PRH1: variants seen among roughly 807,000 people sequenced by gnomAD.
PRH1 encodes proline rich protein HaeIII subfamily 1.
PRH1 carries 7 observed loss-of-function variants against 7.9 expected under a neutral mutation model. That is an observed-to-expected ratio of 0.89 (90% CI 0.50 to 1.67). PRH1 has a LOEUF of 1.67. Among genes scored for constraint, PRH1 ranks in the 40% most tolerant of loss-of-function variants. The pLI, the probability that PRH1 is intolerant of heterozygous loss-of-function variation, is 0.00. For missense variants in PRH1, 109 were observed against 223.6 expected, an observed-to-expected ratio of 0.49 and a Z score of 3.27; for synonymous variants, 45 against 80.8, an observed-to-expected ratio of 0.56 and a Z score of 2.38.
At chr12:10,986,887 T>C (rs781027948) in intron 1 of PRH1, 2 of 1,442,894 alleles carry the variant, frequency 1.4e-6, no homozygotes, top group African/African-American at 1.4e-5. Context: ...AGAAAGAAAA[T>C]GCAAGCCTAA....
chr12:11,152,555 T>C (rs1232620128), intron 1 of PRH1, among the ~76,000 whole-genome samples: 1 of 152,190 alleles, frequency 6.6e-6, no homozygotes, highest in Non-Finnish European at 1.5e-5. Context: ...TAGTTTTAAC[T>C]ATTCTCCACT....
At chr12:10,996,823 A>G in intron 1 of PRH1, 2 of 809,610 alleles carry the variant, frequency 2.5e-6, no homozygotes, top group Non-Finnish European at 3.6e-6. Flanking sequence ...AGACTTTTCT[A>G]TGTCAACTTT....
intron 2 of PRH1, chr12:10,938,920 A>G: frequency 6.2e-7 from 1 of 1,614,008 alleles, no homozygotes; most frequent in African/African-American, 1.3e-5. Context: ...CTAACCAGAC[A>G]CTAAAATGAT....
chr12:11,002,819 C>T (rs1012612367), intron 1 of PRH1, among the ~76,000 whole-genome samples: 2 of 151,848 alleles, frequency 1.3e-5, no homozygotes, highest in African/African-American at 2.4e-5. Context: ...AAATATTTTC[C>T]CCAACACATA....
chr12:11,117,146 A>AT (rs1045338071), downstream of PRH1, among the ~76,000 whole-genome samples: 1 of 152,150 alleles, frequency 6.6e-6, no homozygotes, highest in Non-Finnish European at 1.5e-5. Flanking sequence ...TGTAAACAAT[A>AT]TGATCTTATA....
chr12:11,146,926 T>C (rs1426352056), intron 1 of PRH1, among the ~76,000 whole-genome samples: 1 of 152,176 alleles, frequency 6.6e-6, no homozygotes, highest in Non-Finnish European at 1.5e-5. Flanking sequence ...TGTTGTCTAT[T>C]GCATCCTTCT....
At chr12:10,932,115 A>T (rs887655972) in intron 2 of PRH1, 4 of 317,130 alleles carry the variant, frequency 1.3e-5, no homozygotes, top group African/African-American at 8.3e-5. Flanking sequence ...TGTAGAAGGG[A>T]TAGAGGGCAA....
intron 1 of PRH1, among the ~76,000 whole-genome samples, chr12:11,105,783 A>G (rs1374156014): frequency 6.6e-6 from 1 of 152,232 alleles, no homozygotes; most frequent in African/African-American, 2.4e-5. Flanking sequence ...AACTAGGATC[A>G]TCACCAAAGT....
intron 1 of PRH1, among the ~76,000 whole-genome samples, chr12:11,153,659 C>T (rs1371820463): frequency 2.0e-5 from 3 of 152,098 alleles, no homozygotes; most frequent in Non-Finnish European, 2.9e-5. Flanking sequence ...TGATACCACT[C>T]TATATATATC....
intron 2 of PRH1, among the ~76,000 whole-genome samples, chr12:10,960,182 T>C (rs1164958779): frequency 6.6e-6 from 1 of 152,076 alleles, no homozygotes; most frequent in South Asian, 2.1e-4. Flanking sequence ...GAAAACAGAG[T>C]TGAAAAAGCT....
In PRH1 at chr12:10,941,145, G is replaced by T. The variant is rs199719019; in HGVS notation, c.-59+32510C>A. On this transcript the variant is annotated intron_variant, in intron 2 of 3. Coordinates refer to the PRH1 transcript ENST00000539853. ...AAACTACCATGGTGGGTGGGGGGTT[G>T]TGTGGTGGGTTCTGTTGAGACTTCA... 7.9e-5 allele frequency among the ~76,000 whole-genome samples: 12 copies of T among 152,250 alleles called. No individual in the cohort carries two copies. The East Asian group carries it at 2.3e-3, about 29-fold the overall frequency.
chr12:10,881,517 T>C (rs1334208871), intron 3 of PRH1, among the ~76,000 whole-genome samples: 1 of 152,190 alleles, frequency 6.6e-6, no homozygotes, highest in Non-Finnish European at 1.5e-5. Flanking sequence ...GAGAAAGTTT[T>C]CTAAACAATA....
At chr12:11,138,276 T>C (rs1218270681) in intron 1 of PRH1, among the ~76,000 whole-genome samples, 1 of 152,150 alleles carries the variant, frequency 6.6e-6, no homozygotes, top group African/African-American at 2.4e-5. Flanking sequence ...TTCTTAGCTA[T>C]GGTGACTAAA....
rs540774582 is a variant in PRH1, at chr12:11,136,691, T to A, written n.40-15511A>T. Among the ~76,000 whole-genome samples the A allele has an allele frequency of 2.6e-5, 4 of 152,350 alleles. No individual in the cohort carries two copies. The South Asian group carries it at 8.3e-4, about 32-fold the overall frequency. On this transcript the variant is annotated intron_variant and non_coding_transcript_variant, in intron 1 of 1. Coordinates refer to the PRH1 transcript ENST00000541175. ...ATTATGCACATATTTATCACTTTCA[T>A]TAATTTGTATTCCTTCTTGCATATT...
intron 2 of PRH1, among the ~76,000 whole-genome samples, chr12:10,948,219 C>T (rs1950517420): frequency 6.6e-6 from 1 of 152,176 alleles, no homozygotes; most frequent in African/African-American, 2.4e-5. Flanking sequence ...CTGAAATATA[C>T]TTTCCAAGTT....
At chr12:11,057,171 A>G (rs908396634) in intron 1 of PRH1, among the ~76,000 whole-genome samples, 5 of 152,116 alleles carry the variant, frequency 3.3e-5, no homozygotes, top group South Asian at 2.1e-4. Context: ...CACGCCAGCT[A>G]ATTTTTCAAT....
intron 1 of PRH1, chr12:11,091,447 G>A (rs534009796): frequency 2.4e-6 from 3 of 1,261,716 alleles, no homozygotes; most frequent in Non-Finnish European, 3.4e-6. Flanking sequence ...TGCAGAACAT[G>A]AAGACAGGTT....
At chr12:11,015,843 C>T (rs1223336740) in intron 1 of PRH1, among the ~76,000 whole-genome samples, 1 of 152,186 alleles carries the variant, frequency 6.6e-6, no homozygotes, top group Non-Finnish European at 1.5e-5. Flanking sequence ...TCTCTTATCT[C>T]CCCTTTCCTT....
At chr12:10,965,899 G>A (rs1261070989) in intron 2 of PRH1, among the ~76,000 whole-genome samples, 2 of 152,076 alleles carry the variant, frequency 1.3e-5, no homozygotes, top group Non-Finnish European at 2.9e-5. Flanking sequence ...CAAAGTCATC[G>A]AAAATTTTCT....
Sources: gnomAD v4.1 joint callset for allele counts (sites outside exome capture counted in the v4.1 genomes callset) on GRCh38, gnomAD v4.1.1 for gene constraint, MANE v1.5 for transcripts, NCBI Gene and HGNC (gene_info 2026-07-23, HGNC 2026-07-21) for gene names.